The following APOB variants were observed in gnomAD, a reference collection of about 807,000 sequenced individuals.
APOB encodes the protein apolipoprotein B, also known as apolipoprotein B-100.
APOB carries 153 observed loss-of-function variants against 314.1 expected under a neutral mutation model. That is an observed-to-expected ratio of 0.49 (90% CI 0.43 to 0.56). The LOEUF is 0.56. Among genes scored for constraint, APOB ranks in the 20% least tolerant of loss-of-function variants. The pLI is 0.00. For synonymous variants in APOB, 2,087 were observed against 2,036.4 expected (o/e 1.02, Z -0.67); for missense variants, 5,430 against 5,350.7 (o/e 1.01, Z -0.46).
rs1190002544 is a variant in APOB at position 21,006,433 on chromosome 2, G to T, written c.10435C>A (p.His3479Asn). The T allele has an allele frequency of 2.5e-6, 4 of 1,613,914 alleles. No homozygotes were observed. Among genetic ancestry groups the T allele is most frequent in the Non-Finnish European group, 3.4e-6 (4 of 1,179,990 alleles). The change falls in exon 26 of 29, where the codon CAC (histidine) becomes AAC (asparagine). Residue 3479 changes from histidine to asparagine, a missense_variant. By Grantham distance (68) the His-to-Asn change is moderately conservative. Coordinates refer to ENST00000233242, the MANE Select transcript of APOB (RefSeq NM_000384.3). ...GTGAGGCTTTCCAAGCTAAGCTTGT[G>T]GTCAACTGCTCCTTTAGCGGTAGAG... ...LYSTAKGAVD[H>N]KLSLESLTSY...
chr2:21,011,747 C>T lies in APOB; in HGVS notation c.5121G>A (p.Glu1707=). ...FSLDGKAALT[E]LSLGSAYQAM... Reference sequence around the variant, plus strand: ...CCTGATAAGCACTTCCCAGTGATAGCTCTGTGAGGGCGGCTTTCCCATCCA... The same window carrying T: ...CCTGATAAGCACTTCCCAGTGATAGTTCTGTGAGGGCGGCTTTCCCATCCA... Residue 1707 remains glutamate, a synonymous_variant, in exon 26 of 29, where the codon GAG becomes GAA. Coordinates refer to ENST00000233242, the MANE Select transcript of APOB (RefSeq NM_000384.3). 6.2e-7 allele frequency: 1 copy of T among 1,614,148 alleles called. No homozygotes were observed. Among genetic ancestry groups the T allele is most frequent in the Non-Finnish European group, 8.5e-7 (1 of 1,180,032 alleles).
chr2:21,019,829 C>T lies in APOB; in HGVS notation c.2893G>A (p.Val965Ile), dbSNP rs1194339296. The T allele has an allele frequency of 6.2e-6, 10 of 1,614,078 alleles. No individual in the cohort carries two copies. In the East Asian group the frequency reaches 2.2e-4, roughly 36 times the overall value. The change falls in exon 19 of 29, where the codon GTT (valine) becomes ATT (isoleucine). Residue 965 changes from valine to isoleucine, a missense_variant. By Grantham distance (29) the Val-to-Ile change is conservative. Around this residue, in one of 3 missense-constraint regions of APOB, gnomAD observed 2,085 missense variants for 2,079.7 expected, o/e 1.00. Transcript: ENST00000233242. ...PLIENRQSWSVCKQVFPGLNY... is the reference protein window; with the variant it reads ...PLIENRQSWSICKQVFPGLNY... ...AGGCCAGGAAAGACTTGCTTGCAAA[C>T]TGACCAGGACTGCCTGTTCTCAATG... is the stretch of plus-strand genomic sequence containing the variant.
chr2:21,036,968 C>T (rs1446051788), intron 6 of APOB, 132 bp downstream of exon 6: 2 of 1,152,764 alleles, frequency 1.7e-6, no homozygotes, highest in Non-Finnish European at 1.3e-6. Context: ...GCTCAGGGTC[C>T]TATCTCTAGT....
Position 21,029,940 on chromosome 2 carries a change from A to T in APOB, c.1428T>A (p.Asp476Glu), listed in dbSNP as rs762939642. 2 of 1,614,108 alleles carry T rather than the reference A, an allele frequency of 1.2e-6. No individual in the cohort carries two copies. The highest frequency in any genetic ancestry group is 2.2e-5 in the South Asian group (2 of 91,088). Residue 476 changes from aspartate (D) to glutamate (E), a missense_variant, in exon 11 of 29, where the codon GAT becomes GAA. Coordinates refer to ENST00000233242, the MANE Select transcript of APOB (RefSeq NM_000384.3). ...IANYLMEQIQ[D>E]DCTGDEDYTY... ...TGTAATCTTCATCCCCAGTGCAGTCATCTTGAATCTGTTCCATCAGGTAAT... is the reference window on the plus strand; with the variant it reads ...TGTAATCTTCATCCCCAGTGCAGTCTTCTTGAATCTGTTCCATCAGGTAAT...
intron 19 of APOB, among the ~76,000 whole-genome samples, chr2:21,019,452 C>T (rs1415240212): frequency 2.0e-5 from 3 of 152,120 alleles, no homozygotes; most frequent in African/African-American, 7.2e-5. Context: ...CCAGGAAGCT[C>T]ATAGCGATGG....
rs1004490491 is a variant in APOB at position 21,037,224 on chromosome 2, A to G, written c.569T>C (p.Phe190Ser). 48 of 1,614,066 alleles carry G rather than the reference A, an allele frequency of 3.0e-5. No individual in the cohort carries two copies. Among genetic ancestry groups the G allele is most frequent in the Non-Finnish European group, 4.1e-5 (48 of 1,180,042 alleles). Residue 190 changes from phenylalanine (F) to serine (S), a missense_variant, in exon 6 of 29, where the codon TTT (phenylalanine) becomes TCT (serine). Coordinates refer to ENST00000233242, the MANE Select transcript of APOB (RefSeq NM_000384.3). ...DTVYGNCSTH[F>S]TVKTRKGNVA... ...ATTGCCCTTCCTCGTCTTGACGGTA[A>G]AGTGAGTGGAGCAGTTTCCATACAC...
Position 21,006,430 on chromosome 2 carries a change from T to C in APOB, c.10438A>G (p.Lys3480Glu). Reference sequence around the variant, plus strand: ...GAGGTGAGGCTTTCCAAGCTAAGCTTGTGGTCAACTGCTCCTTTAGCGGTA... The same window carrying C: ...GAGGTGAGGCTTTCCAAGCTAAGCTCGTGGTCAACTGCTCCTTTAGCGGTA... Reference protein sequence around the residue: ...YSTAKGAVDHKLSLESLTSYF... With the variant: ...YSTAKGAVDHELSLESLTSYF... The change falls in exon 26 of 29, where the codon AAG becomes GAG. Residue 3480 changes from lysine (K) to glutamate (E), a missense_variant. Around this residue, in one of 3 missense-constraint regions of APOB, gnomAD observed 3,281 missense variants for 3,171.0 expected, o/e 1.03. Coordinates refer to ENST00000233242, the MANE Select transcript of APOB (RefSeq NM_000384.3). 2 of 1,614,054 alleles carry C rather than the reference T, an allele frequency of 1.2e-6. No individual in the cohort carries two copies. Among genetic ancestry groups the C allele is most frequent in the Non-Finnish European group, 8.5e-7 (1 of 1,179,976 alleles).
Position 21,007,308 on chromosome 2 carries a change from G to T in APOB, c.9560C>A (p.Thr3187Lys). Residue 3187 changes from threonine (T) to lysine (K), a missense_variant, in exon 26 of 29, where the codon ACA becomes AAA. Thr to Lys is a moderately conservative substitution (Grantham distance 78). Around this residue, in one of 3 missense-constraint regions of APOB, gnomAD observed 3,281 missense variants for 3,171.0 expected, o/e 1.03. Coordinates refer to ENST00000233242, the MANE Select transcript of APOB (RefSeq NM_000384.3). ...YKKNKHRHSI[T>K]NPLAVLCEFI... is the part of the protein sequence containing the mutation. ...CTCACAAAGCACAGCCAAAGGATTT[G>T]TGATGGAATGCCTGTGTTTGTTTTT... is the stretch of plus-strand genomic sequence containing the variant. 1.9e-6 allele frequency: 3 copies of T among 1,613,918 alleles called. No individual in the cohort carries two copies. Among genetic ancestry groups the T allele is most frequent in the Non-Finnish European group, 1.7e-6 (2 of 1,179,940 alleles).
Position 21,007,810 on chromosome 2 carries a change from T to C in APOB, c.9058A>G (p.Arg3020Gly). The C allele has an allele frequency of 6.2e-7, 1 of 1,614,104 alleles. No individual in the cohort carries two copies. Among genetic ancestry groups the C allele is most frequent in the Middle Eastern group, 1.6e-4 (1 of 6,062 alleles). The change falls in exon 26 of 29, where the codon AGG (arginine) becomes GGG (glycine). Residue 3020 changes from arginine to glycine, a missense_variant. Physicochemically the swap from Arg to Gly is moderately radical, Grantham distance 125. Transcript: ENST00000233242. ...TTTCCATTTAAATGAGCATCATGCCTCCCAGTAAACTCTGCCTTCCCTTCT... is the reference window on the plus strand; with the variant it reads ...TTTCCATTTAAATGAGCATCATGCCCCCCAGTAAACTCTGCCTTCCCTTCT... ...FGEGKAEFTG[R>G]HDAHLNGKVI...
chr2:21,040,570 C>T (rs1406780241), intron 4 of APOB, among the ~76,000 whole-genome samples: 1 of 152,200 alleles, frequency 6.6e-6, no homozygotes, highest in Non-Finnish European at 1.5e-5. Context: ...CCCTGCCCCG[C>T]CATGTGCCGG....
In APOB at chr2:21,015,179, A is replaced by C. The variant is rs745670004; in HGVS notation, c.3590T>G (p.Leu1197Arg). 1 of 1,614,180 alleles carries C rather than the reference A, an allele frequency of 6.2e-7. No homozygotes were observed. The highest frequency in any genetic ancestry group is 2.2e-5 in the East Asian group (1 of 44,892). ...KKMTSNFPVD[L>R]SDYPKSLHMY... ...ATGCAAGCTCTTAGGATAATCGGAG[A>C]GATCCACAGGGAAATTGGAAGTCAT... The change falls in exon 23 of 29, where the codon CTC (leucine) becomes CGC (arginine). Residue 1197 changes from leucine (L) to arginine (R), a missense_variant. By Grantham distance (102) the Leu-to-Arg change is moderately radical. Transcript: ENST00000233242.
intron 7 of APOB, among the ~76,000 whole-genome samples, 183 bp downstream of exon 7, chr2:21,035,401 A>C (rs1047653964): frequency 1.3e-5 from 2 of 152,132 alleles, no homozygotes; most frequent in African/African-American, 4.8e-5. Flanking sequence ...ATTGTTTTGC[A>C]TGCCTAGGAC....
chr2:21,002,091 A>G lies in APOB; in HGVS notation c.13331T>C (p.Leu4444Pro), dbSNP rs752665378. ...AAGATATTCCTGAATATTTCTGTGCAGAAATTGCTCAACTTGACTTGAGAG... is the reference window on the plus strand; with the variant it reads ...AAGATATTCCTGAATATTTCTGTGCGGAAATTGCTCAACTTGACTTGAGAG... ...SQLSSQVEQFLHRNIQEYLSI... is the reference protein window; with the variant it reads ...SQLSSQVEQFPHRNIQEYLSI... Residue 4444 changes from leucine (L) to proline (P), a missense_variant, in exon 29 of 29, where the codon CTG (leucine) becomes CCG (proline). Physicochemically the swap from Leu to Pro is moderately conservative, Grantham distance 98 (BLOSUM62 -3). This residue lies in a region of APOB where 3,281 missense variants were observed against 3,171.0 expected (regional missense o/e 1.03). Transcript: ENST00000233242. 7 of 1,614,008 alleles carry G rather than the reference A, an allele frequency of 4.3e-6. No homozygotes were observed. In the East Asian group the frequency reaches 1.3e-4, roughly 31 times the overall value.
chr2:21,030,076 C>A, intron 10 of APOB, 61 bp from the exon 11 acceptor site: 1 of 1,022,784 alleles, frequency 9.8e-7, no homozygotes, highest in Non-Finnish European at 1.5e-6. Context: ...TCTTAAAACC[C>A]AAACTTGTGA....
At chr2:21,013,001 T>C (rs1388904780) in intron 25 of APOB, among the ~76,000 whole-genome samples, 159 bp downstream of exon 25, 3 of 152,272 alleles carry the variant, frequency 2.0e-5, no homozygotes, top group Non-Finnish European at 2.9e-5. Context: ...GTGATATGTT[T>C]AATAAATATT....
chr2:21,018,887 C>T (rs1663534987), intron 20 of APOB, 105 bp downstream of exon 20: 1 of 1,547,780 alleles, frequency 6.5e-7, no homozygotes, highest in Non-Finnish European at 8.9e-7. Flanking sequence ...AGTGGGTACT[C>T]AGTTAACCTA....
rs1572780824 is a variant in APOB at position 21,008,365 on chromosome 2, G to A, written c.8503C>T (p.Leu2835=). The A allele has an allele frequency of 6.2e-7, 1 of 1,613,910 alleles. No homozygotes were observed. Reference sequence around the variant, plus strand: ...ATTTCACTCCCATGCTCCGTTCTCAGGTACTTGCTGGAGAACTTCACTGAC... The same window carrying A: ...ATTTCACTCCCATGCTCCGTTCTCAAGTACTTGCTGGAGAACTTCACTGAC... ...KESVKFSSKY[L]RTEHGSEMLF... The change falls in exon 26 of 29, where the codon CTG becomes TTG. Residue 2835 remains leucine (L), a synonymous_variant. Coordinates refer to ENST00000233242, the MANE Select transcript of APOB (RefSeq NM_000384.3).
chr2:21,004,821 A>G, intron 26 of APOB, 146 bp from the exon 27 acceptor site: 2 of 745,594 alleles, frequency 2.7e-6, no homozygotes, highest in Non-Finnish European at 4.4e-6. Flanking sequence ...TTATTTTAAA[A>G]TAAATAGTTA....
Position 21,016,593 on chromosome 2 carries a change from A to C in APOB, c.3178T>G (p.Leu1060Val). ...TCCGGAATTTGGACTTCACTGGACA[A>C]GGTCATACTCTGCCGATTATATTTG... ...TFKYNRQSMT[L>V]SSEVQIPDFD... Residue 1060 changes from leucine (L) to valine (V), a missense_variant, in exon 21 of 29, where the codon TTG becomes GTG. Physicochemically the swap from Leu to Val is conservative, Grantham distance 32. Coordinates refer to ENST00000233242, the MANE Select transcript of APOB (RefSeq NM_000384.3). 5 of 1,612,636 alleles carry C rather than the reference A, an allele frequency of 3.1e-6. No individual in the cohort carries two copies. The highest frequency in any genetic ancestry group is 4.2e-6 in the Non-Finnish European group (5 of 1,178,640).
Sources: allele counts gnomAD v4.1 joint callset (sites outside exome capture counted in the v4.1 genomes callset), GRCh38; gene constraint gnomAD v4.1.1; regional missense constraint gnomAD v4.1.1; transcripts MANE v1.5; gene names NCBI Gene and HGNC (gene_info 2026-07-23, HGNC 2026-07-21).